UNC5D: variants seen among roughly 807,000 people sequenced by gnomAD.
The protein encoded by UNC5D is unc-5 netrin receptor D.
In UNC5D, 39 loss-of-function variants were observed where a neutral mutation model predicts 105.4. That is an observed-to-expected ratio of 0.37 (90% CI 0.29 to 0.48). The LOEUF is 0.48. Ranked by LOEUF, UNC5D falls within the 20% of genes least tolerant of loss-of-function variation. The pLI, the probability that UNC5D is intolerant of heterozygous loss-of-function variation, is 0.98. For synonymous variants in UNC5D, 452 were observed against 450.4 expected, an observed-to-expected ratio of 1.00 and a Z score of -0.04; for missense variants, 991 against 1,202.4, an observed-to-expected ratio of 0.82 and a Z score of 2.60.
chr8:35,249,341 T>C (rs965010554), intron 1 of UNC5D, among the ~76,000 whole-genome samples: 1 of 149,358 alleles, frequency 6.7e-6, no homozygotes, highest in Admixed American at 6.7e-5. Flanking sequence ...ATGGATCACC[T>C]GAGGTCAAGA....
chr8:35,485,074 A>T (rs966460991), intron 1 of UNC5D, among the ~76,000 whole-genome samples: 10 of 152,196 alleles, frequency 6.6e-5, no homozygotes, highest in Non-Finnish European at 1.5e-4. Flanking sequence ...ATAATACTTT[A>T]TATAATTTCA....
At chr8:35,753,887 C>T (rs567493275) in intron 13 of UNC5D, among the ~76,000 whole-genome samples, 1 of 152,300 alleles carries the variant, frequency 6.6e-6, no homozygotes, top group Admixed American at 6.5e-5. Flanking sequence ...GCCATGTACT[C>T]CTCCGTCTTA....
At chr8:35,451,023 A>G (rs1331233266) in intron 1 of UNC5D, among the ~76,000 whole-genome samples, 1 of 148,676 alleles carries the variant, frequency 6.7e-6, no homozygotes, top group Non-Finnish European at 1.5e-5. Flanking sequence ...TAAATCGAGG[A>G]GCATCTATAA....
intron 1 of UNC5D, among the ~76,000 whole-genome samples, chr8:35,357,382 C>G (rs1275773989): frequency 6.6e-6 from 1 of 152,142 alleles, no homozygotes; most frequent in Non-Finnish European, 1.5e-5. Context: ...ACAAGCTTTG[C>G]TCATTAACCC....
intron 8 of UNC5D, 76 bp downstream of exon 8, chr8:35,706,037 G>T: frequency 1.0e-6 from 1 of 989,416 alleles, no homozygotes; most frequent in South Asian, 1.5e-5. Context: ...TTTAGGAGCT[G>T]AGCAGAATTG....
chr8:35,349,390 T>C (rs1055790569), intron 1 of UNC5D, among the ~76,000 whole-genome samples: 1 of 152,040 alleles, frequency 6.6e-6, no homozygotes, highest in African/African-American at 2.4e-5. Flanking sequence ...TTATATCTTC[T>C]GAATGTTGAG....
chr8:35,540,357 T>C (rs1434167301), intron 1 of UNC5D, among the ~76,000 whole-genome samples: 1 of 152,102 alleles, frequency 6.6e-6, no homozygotes, highest in African/African-American at 2.4e-5. Context: ...TACGTGGATT[T>C]TAATACAATA....
chr8:35,640,022 GC>G (rs1822617420), intron 4 of UNC5D, among the ~76,000 whole-genome samples: 1 of 151,844 alleles, frequency 6.6e-6, no homozygotes, highest in African/African-American at 2.4e-5. Flanking sequence ...ACTGTGCCTG[GC>G]CTATTTCACT....
chr8:35,559,100 G>A (rs1461854544), intron 2 of UNC5D, among the ~76,000 whole-genome samples: 5 of 152,102 alleles, frequency 3.3e-5, no homozygotes, highest in Admixed American at 2.6e-4. Context: ...AATTCTTTGG[G>A]ACTTTGTCTA....
At chr8:35,465,283 T>C (rs567187251) in intron 1 of UNC5D, among the ~76,000 whole-genome samples, 59 of 152,286 alleles carry the variant, frequency 3.9e-4, no homozygotes, top group African/African-American at 1.4e-3. Context: ...TCCCAGCTAC[T>C]TGGAAGGCTG....
chr8:35,726,654 G>T (rs768490225), intron 10 of UNC5D, 125 bp downstream of exon 10: 194 of 1,417,720 alleles, frequency 1.4e-4, no homozygotes, highest in Non-Finnish European at 1.6e-4. Flanking sequence ...AAACACTGCG[G>T]CTCCACTAGT....
chr8:35,573,434 C>T (rs1436792680), intron 3 of UNC5D, among the ~76,000 whole-genome samples: 1 of 151,788 alleles, frequency 6.6e-6, no homozygotes, highest in Non-Finnish European at 1.5e-5. Context: ...CAGCCTGGGG[C>T]ACACAGCAAG....
intron 1 of UNC5D, among the ~76,000 whole-genome samples, chr8:35,402,440 A>C (rs1804528938): frequency 6.6e-6 from 1 of 152,144 alleles, no homozygotes; most frequent in South Asian, 2.1e-4. Context: ...AGTATGTGGA[A>C]AACTGCACCT....
chr8:35,477,058 T>C (rs1810153743), intron 1 of UNC5D, among the ~76,000 whole-genome samples: 2 of 152,310 alleles, frequency 1.3e-5, no homozygotes, highest in Admixed American at 6.5e-5. Context: ...AGCCCCCTTG[T>C]AGGTCCTTCT....
At chr8:35,484,859 A>C (rs1450359911) in intron 1 of UNC5D, among the ~76,000 whole-genome samples, 1 of 152,226 alleles carries the variant, frequency 6.6e-6, no homozygotes, top group African/African-American at 2.4e-5. Context: ...GGAGGGACTT[A>C]GAATGAATGA....
chr8:35,425,019 T>G lies in UNC5D; in HGVS notation c.104-124273T>G, dbSNP rs1036535787. 3.2e-4 allele frequency among the ~76,000 whole-genome samples: 48 copies of G among 152,062 alleles called. 1 individual carries two copies. ...CCCTTCCTGTGTCCATGTGTTCTCA[T>G]TGTTCAATTCCCACGTGGGGTGGGG... On this transcript the variant is annotated intron_variant, in intron 1 of 16. Coordinates refer to ENST00000404895, the MANE Select transcript of UNC5D (RefSeq NM_080872.4).
At chr8:35,471,468 TA>T (rs1809720846) in intron 1 of UNC5D, among the ~76,000 whole-genome samples, 1 of 152,210 alleles carries the variant, frequency 6.6e-6, no homozygotes, top group South Asian at 2.1e-4. Flanking sequence ...TAACACCTTG[TA>T]AACCAACGTA....
chr8:35,672,635 C>G (rs1259274622), intron 4 of UNC5D, among the ~76,000 whole-genome samples: 1 of 152,160 alleles, frequency 6.6e-6, no homozygotes, highest in Non-Finnish European at 1.5e-5. Context: ...ACCTCCCTTA[C>G]AAGCTGTCTT....
At chr8:35,580,023 G>A (rs1042251069) in intron 3 of UNC5D, among the ~76,000 whole-genome samples, 1 of 152,184 alleles carries the variant, frequency 6.6e-6, no homozygotes, top group African/African-American at 2.4e-5. Flanking sequence ...GTTTATGGCT[G>A]CTTAGATATG....
Sources: allele counts gnomAD v4.1 joint callset (sites outside exome capture counted in the v4.1 genomes callset), GRCh38; gene constraint gnomAD v4.1.1; transcripts MANE v1.5; gene names NCBI Gene and HGNC (gene_info 2026-07-23, HGNC 2026-07-21).